SLIT2: variants seen among roughly 807,000 people sequenced by gnomAD.
The protein encoded by SLIT2 is slit homolog 2 protein.
SLIT2 carries 41 observed loss-of-function variants against 185.7 expected under a neutral mutation model. The observed-to-expected ratio is 0.22, with a 90% CI of 0.17 to 0.29. The LOEUF (loss-of-function observed/expected upper bound fraction) is 0.29. Ranked by LOEUF, SLIT2 falls within the 10% of genes least tolerant of loss-of-function variation. The pLI is 1.00. For synonymous variants in SLIT2, 693 were observed against 680.2 expected (o/e 1.02, Z -0.29); for missense variants, 1,571 against 1,909.0 (o/e 0.82, Z 3.30).
At position 20,472,238 on chromosome 4, in the gene SLIT2, C is replaced by CTATATATATA. The variant is rs1553908231; in HGVS notation, c.467+4422_467+4423insATATATATAT. Among the ~76,000 whole-genome samples the CTATATATATA allele has an allele frequency of 5.4e-5, 2 of 37,370 alleles. 1 individual carries two copies. The highest frequency in any genetic ancestry group is 2.2e-4 in the African/African-American group (2 of 9,028). The allele number at this position is 37,370 out of a possible 152,430, so 24.5% of individuals were successfully genotyped here. A position where few individuals can be genotyped will look rare whatever the true frequency, so the allele number is the denominator to read the frequency against. ...TGTGTGTGTGTATATATATATAGAT[C>CTATATATATA]TATATATCTATATATAGATCTATAT... On this transcript the variant is annotated intron_variant, in intron 5 of 36. Coordinates refer to ENST00000504154, the MANE Select transcript of SLIT2 (RefSeq NM_004787.4).
intron 4 of SLIT2, among the ~76,000 whole-genome samples, chr4:20,276,320 A>G (rs1011630124): frequency 4.7e-4 from 71 of 152,230 alleles, no homozygotes; most frequent in Admixed American, 2.0e-3. Context: ...AACTGAGTTG[A>G]TTATAATCAC....
chr4:20,601,460 T>C (rs1728407437), intron 33 of SLIT2, among the ~76,000 whole-genome samples: 1 of 152,260 alleles, frequency 6.6e-6, no homozygotes, highest in South Asian at 2.1e-4. Flanking sequence ...ACTGAATTTA[T>C]TTCATTTGCT....
At position 20,429,276 on chromosome 4, in the gene SLIT2, T is replaced by C. The variant is rs76307192; in HGVS notation, c.396-38476T>C. 9.6e-3 allele frequency among the ~76,000 whole-genome samples: 1,455 copies of C among 152,304 alleles called. 19 individuals carry two copies. Among genetic ancestry groups the C allele is most frequent in the African/African-American group, 0.031 (1,304 of 41,552 alleles). On this transcript the variant is annotated intron_variant, in intron 4 of 36. Transcript: ENST00000504154. ...AGGCAGAAATTATTTTTTTCATATG[T>C]TTCAATGAAGTTTCCTATGCAATCC...
chr4:20,511,199 T>A, intron 11 of SLIT2, 62 bp downstream of exon 11: 1 of 936,090 alleles, frequency 1.1e-6, no homozygotes. Flanking sequence ...GCTACCTTTT[T>A]TAAATTGGGG....
chr4:20,496,375 C>G (rs1042119870), intron 9 of SLIT2, among the ~76,000 whole-genome samples: 2 of 152,154 alleles, frequency 1.3e-5, no homozygotes, highest in African/African-American at 4.8e-5. Flanking sequence ...TAAATACTTG[C>G]AATGTTGGAT....
chr4:20,587,923 A>G (rs1448036361), intron 29 of SLIT2, among the ~76,000 whole-genome samples: 1 of 152,198 alleles, frequency 6.6e-6, no homozygotes, highest in Non-Finnish European at 1.5e-5. Context: ...GACATTTATT[A>G]TGTATCTCAA....
intron 4 of SLIT2, among the ~76,000 whole-genome samples, chr4:20,321,733 C>G (rs2109166941): frequency 6.6e-6 from 1 of 152,338 alleles, no homozygotes; most frequent in East Asian, 1.9e-4. Flanking sequence ...CTTACCGCCT[C>G]ATGCCCAGAT....
At chr4:20,267,717 T>C (rs1713182561) in intron 3 of SLIT2, among the ~76,000 whole-genome samples, 1 of 151,826 alleles carries the variant, frequency 6.6e-6, no homozygotes, top group Non-Finnish European at 1.5e-5. Context: ...ACTAAATAAG[T>C]ATAATTCTGC....
At chr4:20,373,911 G>C (rs1172054849) in intron 4 of SLIT2, among the ~76,000 whole-genome samples, 3 of 152,042 alleles carry the variant, frequency 2.0e-5, no homozygotes, top group Non-Finnish European at 4.4e-5. Context: ...TTTTCAGTGA[G>C]AGGAACAATG....
chr4:20,354,418 G>A (rs1193624851), intron 4 of SLIT2, among the ~76,000 whole-genome samples: 1 of 152,106 alleles, frequency 6.6e-6, no homozygotes, highest in Non-Finnish European at 1.5e-5. Context: ...GCAAAGTCCT[G>A]ACACAATTTG....
intron 4 of SLIT2, among the ~76,000 whole-genome samples, chr4:20,385,001 G>A (rs73108615): frequency 0.05 from 7,674 of 152,186 alleles, 569 homozygotes; most frequent in African/African-American, 0.16. Context: ...CAGTCATTCT[G>A]CTGGTCTGTC....
intron 4 of SLIT2, among the ~76,000 whole-genome samples, chr4:20,389,718 G>A (rs1278341252): frequency 6.6e-6 from 1 of 152,034 alleles, no homozygotes; most frequent in African/African-American, 2.4e-5. Flanking sequence ...CTGGTACTTT[G>A]AATGAGGAGC....
At chr4:20,478,846 G>T (rs1328607052) in intron 5 of SLIT2, among the ~76,000 whole-genome samples, 1 of 152,046 alleles carries the variant, frequency 6.6e-6, no homozygotes, top group Admixed American at 6.6e-5. Flanking sequence ...AAATAAAAAA[G>T]GCTATTAACT....
intron 4 of SLIT2, among the ~76,000 whole-genome samples, chr4:20,356,698 T>G (rs994721231): frequency 1.3e-5 from 2 of 152,218 alleles, no homozygotes; most frequent in African/African-American, 4.8e-5. Flanking sequence ...AGTGTATTTC[T>G]GCAGACTCCC....
chr4:20,299,057 A>C (rs1222065838), intron 4 of SLIT2, among the ~76,000 whole-genome samples: 1 of 152,234 alleles, frequency 6.6e-6, no homozygotes, highest in Non-Finnish European at 1.5e-5. Context: ...GCAATTTGAC[A>C]ATGTAATTTG....
At chr4:20,314,430 C>G (rs2025287) in intron 4 of SLIT2, among the ~76,000 whole-genome samples, 117,062 of 152,020 alleles carry the variant, frequency 0.77, 45,438 homozygotes, top group East Asian at 0.96. Flanking sequence ...GTATCTGTAG[C>G]TATTTACTGA....
At chr4:20,566,733 G>A (rs1725122248) in intron 26 of SLIT2, among the ~76,000 whole-genome samples, 1 of 151,978 alleles carries the variant, frequency 6.6e-6, no homozygotes, top group African/African-American at 2.4e-5. Context: ...TGCATAAAGT[G>A]GCACTGTTTT....
intron 4 of SLIT2, among the ~76,000 whole-genome samples, chr4:20,292,504 G>C (rs914684487): frequency 6.6e-6 from 1 of 152,126 alleles, no homozygotes; most frequent in African/African-American, 2.4e-5. Flanking sequence ...GAAGAAGAAG[G>C]AGAAGGAGCA....
chr4:20,568,408 G>A (rs1364222437), intron 28 of SLIT2, among the ~76,000 whole-genome samples: 1 of 151,532 alleles, frequency 6.6e-6, no homozygotes, highest in African/African-American at 2.4e-5. Context: ...TTTTGTTTTC[G>A]GATTTTTTTT....
Sources: gnomAD v4.1 joint callset for allele counts (sites outside exome capture counted in the v4.1 genomes callset) on GRCh38, gnomAD v4.1.1 for gene constraint, MANE v1.5 for transcripts, NCBI Gene and HGNC (gene_info 2026-07-23, HGNC 2026-07-21) for gene names.